Variants in CSNK2A2IP observed in about 807,000 individuals in gnomAD.
CSNK2A2IP encodes casein kinase 2 subunit alpha' interacting protein, also known as casein kinase II subunit alpha'-interacting protein.
the CSNK2A2IP span, among the ~76,000 whole-genome samples, chr3:88,344,952 A>G: frequency 6.6e-6 from 1 of 151,948 alleles, no homozygotes; most frequent in African/African-American, 2.4e-5. Context: ...AATTTCTTTT[A>G]TGTTTCTTTA....
chr3:88,359,649 A>C, the CSNK2A2IP span, among the ~76,000 whole-genome samples: 1 of 152,118 alleles, frequency 6.6e-6, no homozygotes, highest in East Asian at 1.9e-4. Context: ...CATATTGTTT[A>C]ATTTCCAAGT....
the CSNK2A2IP span, chr3:88,465,808 C>T: frequency 1.6e-6 from 2 of 1,231,706 alleles, no homozygotes; most frequent in Non-Finnish European, 2.0e-6. Flanking sequence ...CCTGAGTTTA[C>T]AATTACCCTT....
chr3:88,360,179 A>C, the CSNK2A2IP span, among the ~76,000 whole-genome samples: 1 of 148,088 alleles, frequency 6.8e-6, no homozygotes, highest in Non-Finnish European at 1.5e-5. Flanking sequence ...TCTGTTGCCC[A>C]GGCTGGAGTG....
the CSNK2A2IP span, among the ~76,000 whole-genome samples, chr3:88,464,583 G>A: frequency 6.6e-6 from 1 of 152,010 alleles, no homozygotes; most frequent in Non-Finnish European, 1.5e-5. Flanking sequence ...CAATGCTGCA[G>A]TGGTGACAAA....
the CSNK2A2IP span, among the ~76,000 whole-genome samples, chr3:88,405,385 GT>G: frequency 6.6e-6 from 1 of 152,120 alleles, no homozygotes; most frequent in African/African-American, 2.4e-5. Context: ...TAGGCAGGAT[GT>G]TTGCTACAGG....
the CSNK2A2IP span, among the ~76,000 whole-genome samples, chr3:88,427,064 T>C: frequency 1.3e-5 from 2 of 152,206 alleles, no homozygotes; most frequent in South Asian, 2.1e-4. Flanking sequence ...CAGAAAGATG[T>C]GGGAAAGTTT....
At chr3:88,412,817 C>A in the CSNK2A2IP span, among the ~76,000 whole-genome samples, 2 of 151,864 alleles carry the variant, frequency 1.3e-5, no homozygotes, top group Non-Finnish European at 1.5e-5. Context: ...AGTACCACAC[C>A]GGTATTTCTG....
chr3:88,464,762 T>C, the CSNK2A2IP span, among the ~76,000 whole-genome samples: 1 of 152,210 alleles, frequency 6.6e-6, no homozygotes, highest in Non-Finnish European at 1.5e-5. Flanking sequence ...GTTTTACAAA[T>C]GCAATAATTA....
chr3:88,409,383 A>G, the CSNK2A2IP span, among the ~76,000 whole-genome samples: 1 of 152,038 alleles, frequency 6.6e-6, no homozygotes, highest in Non-Finnish European at 1.5e-5. Context: ...AGCTATTCAA[A>G]TTAGCTGCCC....
chr3:88,411,275 C>T, the CSNK2A2IP span, among the ~76,000 whole-genome samples: 1 of 151,780 alleles, frequency 6.6e-6, no homozygotes, highest in Non-Finnish European at 1.5e-5. Context: ...CTTGTTTCTT[C>T]CTAATTGAGA....
chr3:88,411,811 T>C, the CSNK2A2IP span, among the ~76,000 whole-genome samples: 1 of 151,046 alleles, frequency 6.6e-6, no homozygotes, highest in African/African-American at 2.4e-5. Flanking sequence ...ACATGTGAAA[T>C]ATCTAATTAA....
the CSNK2A2IP span, among the ~76,000 whole-genome samples, chr3:88,377,396 C>T: frequency 0.38 from 58,106 of 151,466 alleles, 14,143 homozygotes; most frequent in South Asian, 0.6. Context: ...AGCTCTGTTA[C>T]GTCTATAACA....
chr3:88,447,576 GA>G, the CSNK2A2IP span, among the ~76,000 whole-genome samples: 1 of 152,000 alleles, frequency 6.6e-6, no homozygotes, highest in African/African-American at 2.4e-5. Context: ...GATATTATTT[GA>G]AAAGGATATA....
chr3:88,408,150 G>GA, the CSNK2A2IP span, among the ~76,000 whole-genome samples: 1 of 152,182 alleles, frequency 6.6e-6, no homozygotes, highest in Non-Finnish European at 1.5e-5. Flanking sequence ...ATTGCCCAGA[G>GA]AAAAGAAATA....
At chr3:88,366,998 T>C in the CSNK2A2IP span, among the ~76,000 whole-genome samples, 1 of 151,966 alleles carries the variant, frequency 6.6e-6, no homozygotes, top group African/African-American at 2.4e-5. Flanking sequence ...GAGAAGAGTA[T>C]AGGGGAAACC....
the CSNK2A2IP span, among the ~76,000 whole-genome samples, chr3:88,444,520 A>G: frequency 6.6e-6 from 1 of 152,190 alleles, no homozygotes; most frequent in African/African-American, 2.4e-5. Flanking sequence ...ATTGCTAGTT[A>G]TTTGCCAAAG....
chr3:88,458,861 G>A, the CSNK2A2IP span, among the ~76,000 whole-genome samples: 194 of 152,118 alleles, frequency 1.3e-3, 2 homozygotes, highest in East Asian at 1.5e-3. Flanking sequence ...ACCATACTGC[G>A]CATTATTTGA....
the CSNK2A2IP span, among the ~76,000 whole-genome samples, chr3:88,364,586 A>C: frequency 6.6e-6 from 1 of 152,078 alleles, no homozygotes; most frequent in Non-Finnish European, 1.5e-5. Context: ...GTGGGTTAAA[A>C]ACTGGTAATA....
the CSNK2A2IP span, among the ~76,000 whole-genome samples, chr3:88,414,161 T>C: frequency 6.7e-6 from 1 of 149,956 alleles, no homozygotes; most frequent in Non-Finnish European, 1.5e-5. Context: ...TTTACAAACG[T>C]TATTTGTAAA....
Sources: allele counts gnomAD v4.1 joint callset (sites outside exome capture counted in the v4.1 genomes callset), GRCh38; gene constraint gnomAD v4.1.1; transcripts MANE v1.5; gene names NCBI Gene and HGNC (gene_info 2026-07-23, HGNC 2026-07-21).